The following KCNQ3 variants were observed in gnomAD, a reference collection of about 807,000 sequenced individuals.
KCNQ3 encodes the protein potassium voltage-gated channel subfamily KQT member 3.
In KCNQ3, 30 loss-of-function variants were observed where a neutral mutation model predicts 92.5. The observed-to-expected ratio is 0.32, with a 90% CI of 0.24 to 0.44. The LOEUF is 0.44. KCNQ3 is among the 20% of genes least tolerant of loss of function. The pLI, the probability that KCNQ3 is intolerant of heterozygous loss-of-function variation, is 1.00. For synonymous variants in KCNQ3, 450 were observed against 468.8 expected (o/e 0.96, Z 0.52); for missense variants, 913 against 1,140.3 (o/e 0.80, Z 2.87).
chr8:132,163,919 T>G (rs991471888), intron 8 of KCNQ3, among the ~76,000 whole-genome samples: 2 of 152,214 alleles, frequency 1.3e-5, no homozygotes, highest in Non-Finnish European at 2.9e-5. Flanking sequence ...TTAACTCAAT[T>G]AATCCTCATA....
chr8:132,136,209 A>T (rs139273468), intron 12 of KCNQ3, among the ~76,000 whole-genome samples: 12 of 151,346 alleles, frequency 7.9e-5, no homozygotes, highest in African/African-American at 2.9e-4. Flanking sequence ...TTAACTTCCA[A>T]CCCAGTCAGT....
chr8:132,252,183 C>G (rs1379583), intron 1 of KCNQ3, among the ~76,000 whole-genome samples: 84,818 of 149,920 alleles, frequency 0.57, 25,024 homozygotes, highest in East Asian at 0.81. Flanking sequence ...TCCTTCTGGT[C>G]GGTTCTTGGT....
chr8:132,174,386 G>T, intron 5 of KCNQ3, 37 bp from the exon 6 acceptor site: 1 of 1,438,276 alleles, frequency 7.0e-7, no homozygotes, highest in Non-Finnish European at 9.6e-7. Context: ...AGTACCACAT[G>T]GAGAGGAATA....
intron 1 of KCNQ3, among the ~76,000 whole-genome samples, chr8:132,275,259 ATAGAAAAATG>A (rs1816287017): frequency 6.6e-6 from 1 of 152,244 alleles, no homozygotes; most frequent in African/African-American, 2.4e-5. Context: ...AAAAGGATAT[ATAGAAAAATG>A]TGGAAAAATG....
intron 1 of KCNQ3, among the ~76,000 whole-genome samples, chr8:132,449,911 T>C (rs1460736166): frequency 1.3e-5 from 2 of 152,142 alleles, no homozygotes; most frequent in Non-Finnish European, 2.9e-5. Context: ...TGCCAGGCCA[T>C]CACCCAGGGT....
In KCNQ3 at chr8:132,456,364, C is replaced by T. The variant is rs148534217; in HGVS notation, c.386+23783G>A. Among the ~76,000 whole-genome samples, 90 of 152,142 alleles carry T rather than the reference C, an allele frequency of 5.9e-4. 1 individual carries two copies. In the East Asian group the frequency reaches 0.017, roughly 29 times the overall value. On this transcript the variant is annotated intron_variant, in intron 1 of 14. Coordinates refer to ENST00000388996, the MANE Select transcript of KCNQ3 (RefSeq NM_004519.4). ...TTTCCAAAGTCAGCATTTCCCACTG[C>T]TATTTTTTTTTCCAGATGAAAGCAA...
intron 1 of KCNQ3, among the ~76,000 whole-genome samples, chr8:132,277,566 T>A (rs1193348912): frequency 6.6e-6 from 1 of 152,184 alleles, no homozygotes; most frequent in Non-Finnish European, 1.5e-5. Flanking sequence ...GGAGACAGAT[T>A]TTTGAGCGTC....
At chr8:132,130,088 T>TG (rs1051912342) in intron 14 of KCNQ3, 92 bp from the exon 15 acceptor site, 39 of 1,366,298 alleles carry the variant, frequency 2.9e-5, no homozygotes, top group African/African-American at 5.8e-5. Flanking sequence ...TTTTTTGTTT[T>TG]TTTTTTTTTT....
chr8:132,405,672 G>A (rs1001619853), intron 1 of KCNQ3, among the ~76,000 whole-genome samples: 6 of 152,108 alleles, frequency 3.9e-5, no homozygotes, highest in African/African-American at 9.7e-5. Flanking sequence ...CCAACTCTAC[G>A]TTCAAAAACA....
chr8:132,383,589 T>C (rs1257638553), intron 1 of KCNQ3, among the ~76,000 whole-genome samples: 3 of 152,178 alleles, frequency 2.0e-5, no homozygotes, highest in Non-Finnish European at 4.4e-5. Context: ...CCCAGCGCCA[T>C]ATAACATCAA....
At chr8:132,293,470 T>C (rs942996781) in intron 1 of KCNQ3, among the ~76,000 whole-genome samples, 3 of 152,126 alleles carry the variant, frequency 2.0e-5, no homozygotes, top group Non-Finnish European at 2.9e-5. Flanking sequence ...GTCACAGATG[T>C]CTTCTTCTGT....
intron 1 of KCNQ3, among the ~76,000 whole-genome samples, chr8:132,228,370 T>C (rs537469210): frequency 6.7e-6 from 1 of 148,866 alleles, no homozygotes; most frequent in Non-Finnish European, 1.5e-5. Context: ...ACTGAGTTAT[T>C]GAGAGAGAGA....
chr8:132,480,411 C>T lies in KCNQ3; in HGVS notation c.122G>A (p.Arg41Gln), dbSNP rs867469884. 1.3e-6 allele frequency: 2 copies of T among 1,498,450 alleles called. No homozygotes were observed. Among genetic ancestry groups the T allele is most frequent in the South Asian group, 1.3e-5 (1 of 77,458 alleles). The allele number at this position is 1,498,450 out of a possible 1,614,324, so 92.8% of individuals were successfully genotyped here. The change falls in exon 1 of 15, where the codon CGG becomes CAG. Residue 41 changes from arginine to glutamine, a missense_variant. Transcript: ENST00000388996. ...GTCGCCGGGCGCCAGCCCCACTTTC[C>T]GCTCCTCGTCGCCGGCCGCCGCCGC... ...GDAAAAGDEE[R>Q]KVGLAPGDVE...
At chr8:132,385,299 A>G (rs1586975101) in intron 1 of KCNQ3, among the ~76,000 whole-genome samples, 3 of 152,208 alleles carry the variant, frequency 2.0e-5, no homozygotes, top group Admixed American at 6.5e-5. Flanking sequence ...ACAGTTGCCA[A>G]TGTCAAAGGT....
chr8:132,386,892 GA>G (rs1819904858), intron 1 of KCNQ3, among the ~76,000 whole-genome samples: 1 of 152,050 alleles, frequency 6.6e-6, no homozygotes, highest in Non-Finnish European at 1.5e-5. Flanking sequence ...ACATCATGTT[GA>G]AAACTAACAA....
At chr8:132,338,250 A>G (rs1818422601) in intron 1 of KCNQ3, among the ~76,000 whole-genome samples, 1 of 152,198 alleles carries the variant, frequency 6.6e-6, no homozygotes, top group Non-Finnish European at 1.5e-5. Context: ...AAGGTCACAC[A>G]TTAGTGTGTA....
intron 1 of KCNQ3, among the ~76,000 whole-genome samples, chr8:132,246,060 T>C (rs553201094): frequency 1.3e-5 from 2 of 152,264 alleles, no homozygotes; most frequent in Admixed American, 1.3e-4. Context: ...TGATCTTTCT[T>C]CCCAAAACAT....
intron 1 of KCNQ3, among the ~76,000 whole-genome samples, chr8:132,422,933 G>A (rs1028639849): frequency 6.6e-6 from 1 of 152,134 alleles, no homozygotes; most frequent in Admixed American, 6.5e-5. Context: ...ACATAGAGAG[G>A]AGCAGGTCCT....
intron 1 of KCNQ3, among the ~76,000 whole-genome samples, chr8:132,241,842 G>GAACAA (rs572623152): frequency 2.6e-5 from 4 of 152,078 alleles, no homozygotes; most frequent in East Asian, 1.9e-4. Flanking sequence ...CTAAATTAAA[G>GAACAA]AACAAAACAA....
Sources: allele counts gnomAD v4.1 joint callset (sites outside exome capture counted in the v4.1 genomes callset), GRCh38; gene constraint gnomAD v4.1.1; transcripts MANE v1.5; gene names NCBI Gene and HGNC (gene_info 2026-07-23, HGNC 2026-07-21).